The following UNC5A variants were observed in gnomAD, a reference collection of about 807,000 sequenced individuals.
The protein encoded by UNC5A is unc-5 netrin receptor A, also known as netrin receptor UNC5A.
Under a neutral mutation model 87.4 loss-of-function variants are expected in UNC5A, and 20 were observed. The observed-to-expected ratio is 0.23, with a 90% confidence interval of 0.16 to 0.33. The LOEUF is 0.33. Ranked by LOEUF, UNC5A falls within the 10% of genes least tolerant of loss-of-function variation. The pLI, the probability that UNC5A is intolerant of heterozygous loss-of-function variation, is 1.00. For missense variants in UNC5A, 844 were observed against 1,133.4 expected, an observed-to-expected ratio of 0.74 and a Z score of 3.67; for synonymous variants, 438 against 482.3, an observed-to-expected ratio of 0.91 and a Z score of 1.20.
chr5:176,853,500 G>A (rs1413281761), intron 1 of UNC5A, among the ~76,000 whole-genome samples: 1 of 152,224 alleles, frequency 6.6e-6, no homozygotes, highest in Middle Eastern at 3.2e-3. Flanking sequence ...CCAGGCCCCT[G>A]GAGCCCACTG....
At chr5:176,834,982 C>G (rs1757118562) in intron 1 of UNC5A, among the ~76,000 whole-genome samples, 1 of 152,256 alleles carries the variant, frequency 6.6e-6, no homozygotes, top group Non-Finnish European at 1.5e-5. Flanking sequence ...GCAGGCTGGG[C>G]CCATCCTGTG....
rs772245071 is a variant in UNC5A at position 176,868,957 on chromosome 5, C to T, written c.714C>T (p.Ile238=). ...GCCGCAGCGCCTCCGCTGCTGTCAT[C>T]GTCTACGGTGGGCCCCGGGACTCCC... ...ARRRSASAAV[I]VYVDGSWSPW... Residue 238 remains isoleucine, a synonymous_variant, in exon 5 of 15, where the codon ATC becomes ATT. Transcript: ENST00000329542. The T allele has an allele frequency of 6.2e-6, 10 of 1,602,198 alleles. No homozygotes were observed. Among genetic ancestry groups the T allele is most frequent in the African/African-American group, 5.4e-5 (4 of 74,746 alleles).
At position 176,870,706 on chromosome 5, in the gene UNC5A, C is replaced by T. The variant is rs569030686; in HGVS notation, c.886+172C>T. Among the ~76,000 whole-genome samples, 6 of 152,082 alleles carry T rather than the reference C, an allele frequency of 3.9e-5. No homozygotes were observed. In the East Asian group the frequency reaches 1.2e-3, roughly 29 times the overall value. On this transcript the variant is annotated intron_variant, in intron 6 of 14. Transcript: ENST00000329542. ...TAGCATACCTGCACATGGGCCCAGG[C>T]GCGCCCCACCACCTCCCATGCCTCC...
chr5:176,839,845 C>A (rs1328801286), intron 1 of UNC5A, among the ~76,000 whole-genome samples: 1 of 126,396 alleles, frequency 7.9e-6, no homozygotes, highest in African/African-American at 3.0e-5. Context: ...TTGACAGAGT[C>A]TCACTCTGTC....
intron 1 of UNC5A, among the ~76,000 whole-genome samples, chr5:176,828,644 C>T (rs1387733459): frequency 1.3e-5 from 2 of 152,208 alleles, no homozygotes; most frequent in African/African-American, 4.8e-5. Flanking sequence ...TTCTTCATGG[C>T]GTTTATCCAC....
intron 1 of UNC5A, among the ~76,000 whole-genome samples, chr5:176,822,108 C>A (rs7701063): frequency 0.022 from 3,336 of 152,332 alleles, 107 homozygotes; most frequent in African/African-American, 0.075. Context: ...AAAATGCAGA[C>A]AATGAAAGGT....
intron 6 of UNC5A, among the ~76,000 whole-genome samples, chr5:176,873,454 A>G (rs1270508742): frequency 6.6e-6 from 1 of 152,112 alleles, no homozygotes; most frequent in Admixed American, 6.5e-5. Context: ...GCTTCCTCCA[A>G]GCAGTCAATC....
chr5:176,843,433 C>T (rs1245208658), intron 1 of UNC5A, among the ~76,000 whole-genome samples: 1 of 146,082 alleles, frequency 6.8e-6, no homozygotes, highest in Non-Finnish European at 1.5e-5. Flanking sequence ...TGACAGAAAG[C>T]AGAAGGGGGT....
At chr5:176,853,946 C>T (rs1389175573) in intron 1 of UNC5A, among the ~76,000 whole-genome samples, 7 of 152,178 alleles carry the variant, frequency 4.6e-5, no homozygotes, top group Admixed American at 2.6e-4. Flanking sequence ...GCTATTTGCC[C>T]GTTTCACAAA....
intron 1 of UNC5A, among the ~76,000 whole-genome samples, chr5:176,815,699 T>A (rs1019421356): frequency 7.9e-5 from 12 of 152,192 alleles, no homozygotes; most frequent in African/African-American, 2.9e-4. Flanking sequence ...TTAAGCCGCA[T>A]CAGGGCCCGA....
intron 1 of UNC5A, among the ~76,000 whole-genome samples, chr5:176,843,875 C>T (rs983670672): frequency 3.9e-5 from 6 of 152,236 alleles, no homozygotes; most frequent in Non-Finnish European, 4.4e-5. Flanking sequence ...TTCTGACAGA[C>T]GTGCGGCGCG....
rs1286692590 is a variant in UNC5A, at chr5:176,841,825, T to C, written c.71-20799T>C. On this transcript the variant is annotated intron_variant, in intron 1 of 14. Coordinates refer to ENST00000329542, the MANE Select transcript of UNC5A (RefSeq NM_133369.3). This position sits in a 1 kb window ranked among gnomAD's most constrained non-coding sequence, Gnocchi z 4.1. The stretch of plus-strand genomic sequence containing the variant: ...ATGGCCAACAATCATGAAAAAAGGC[T>C]CGACATCACTAATGATCAGGGAAAT... Among the ~76,000 whole-genome samples the C allele has an allele frequency of 4.6e-5, 7 of 152,158 alleles. No homozygotes were observed. The highest frequency in any genetic ancestry group is 1.7e-4 in the African/African-American group (7 of 41,434).
intron 1 of UNC5A, 119 bp from the exon 2 acceptor site, chr5:176,862,505 A>G: frequency 2.1e-6 from 2 of 950,000 alleles, no homozygotes; most frequent in East Asian, 5.2e-5. Context: ...GACATGGCAG[A>G]GCCTGGACTC....
intron 1 of UNC5A, among the ~76,000 whole-genome samples, chr5:176,827,206 A>C (rs1756877267): frequency 8.6e-6 from 1 of 115,810 alleles, no homozygotes; most frequent in Non-Finnish European, 1.7e-5. Flanking sequence ...TTTTTGAGAC[A>C]GAGCCTTACT....
chr5:176,861,792 C>T (rs185919709), intron 1 of UNC5A, among the ~76,000 whole-genome samples: 13 of 148,460 alleles, frequency 8.8e-5, no homozygotes, highest in East Asian at 7.9e-4. Flanking sequence ...ATTGTGAATG[C>T]GCATTGGTGG....
At chr5:176,823,069 G>A (rs1756767304) in intron 1 of UNC5A, among the ~76,000 whole-genome samples, 2 of 151,914 alleles carry the variant, frequency 1.3e-5, no homozygotes, top group African/African-American at 4.8e-5. Flanking sequence ...GGCAAGAAAT[G>A]ACGAGGCGTC....
chr5:176,822,426 G>A (rs1356280555), intron 1 of UNC5A, among the ~76,000 whole-genome samples: 1 of 152,254 alleles, frequency 6.6e-6, no homozygotes, highest in East Asian at 1.9e-4. Flanking sequence ...AGGGCCTGCA[G>A]GCCTGGAATC....
chr5:176,846,052 C>T lies in UNC5A; in HGVS notation c.71-16572C>T, dbSNP rs955734657. On this transcript the variant is annotated intron_variant, in intron 1 of 14. Coordinates refer to ENST00000329542, the MANE Select transcript of UNC5A (RefSeq NM_133369.3). Reference sequence around the variant, plus strand: ...AGCAGGTTTCTGGCCAGGTTGGTGGCCATGCTGTTTGCACAGGGAGCTGGT... The same window carrying T: ...AGCAGGTTTCTGGCCAGGTTGGTGGTCATGCTGTTTGCACAGGGAGCTGGT... Among the ~76,000 whole-genome samples, 5 of 152,148 alleles carry T rather than the reference C, an allele frequency of 3.3e-5. No individual in the cohort carries two copies. In the East Asian group the frequency reaches 5.8e-4, roughly 18 times the overall value.
intron 1 of UNC5A, among the ~76,000 whole-genome samples, chr5:176,854,053 T>A (rs1757608569): frequency 6.6e-6 from 1 of 151,938 alleles, no homozygotes; most frequent in African/African-American, 2.4e-5. Flanking sequence ...GTACAGAGGT[T>A]TTTTATGTTT....
Sources: allele counts gnomAD v4.1 joint callset (sites outside exome capture counted in the v4.1 genomes callset), GRCh38; gene constraint gnomAD v4.1.1; non-coding constraint Gnocchi (gnomAD v3.1); transcripts MANE v1.5; gene names NCBI Gene and HGNC (gene_info 2026-07-23, HGNC 2026-07-21).